TBCE: variants seen among roughly 807,000 people sequenced by gnomAD.
The protein encoded by TBCE is tubulin folding cofactor E.
TBCE carries 53 observed loss-of-function variants against 77.0 expected under a neutral mutation model. That is an observed-to-expected ratio of 0.69 (90% CI 0.55 to 0.87). The LOEUF (loss-of-function observed/expected upper bound fraction) is 0.87. Ranked by LOEUF, TBCE falls within the 40% of genes least tolerant of loss-of-function variation. The probability of loss-of-function intolerance (pLI) is 0.00; values close to 1 mark genes in which losing one functional copy is unlikely to be tolerated. For synonymous variants in TBCE, 235 were observed against 241.3 expected, an observed-to-expected ratio of 0.97 and a Z score of 0.24; for missense variants, 624 against 622.4, an observed-to-expected ratio of 1.00 and a Z score of -0.03.
At position 235,391,831 on chromosome 1, in the gene TBCE, A is replaced by G. The variant is rs201893274; in HGVS notation, c.101-9672A>G. Among the ~76,000 whole-genome samples the G allele has an allele frequency of 2.6e-5, 4 of 151,430 alleles. No individual in the cohort carries two copies. The East Asian group carries it at 7.9e-4, about 30-fold the overall frequency. ...CGTGTTGGCCAGGCTGGTCTTGAACACCTGACCTGAGGTGATCAACCCACC... is the reference window on the plus strand; with the variant it reads ...CGTGTTGGCCAGGCTGGTCTTGAACGCCTGACCTGAGGTGATCAACCCACC... On this transcript the variant is annotated intron_variant, in intron 2 of 16. Transcript: ENST00000642610.
intron 1 of TBCE, 90 bp from the exon 2 acceptor site, chr1:235,379,929 C>T (rs942255909): frequency 4.0e-6 from 3 of 741,502 alleles, no homozygotes; most frequent in African/African-American, 4.1e-5. Flanking sequence ...GCCTGGGCGA[C>T]AGAGCAAGAC....
chr1:235,396,064 T>C (rs1375525749), intron 2 of TBCE, among the ~76,000 whole-genome samples: 1 of 151,382 alleles, frequency 6.6e-6, no homozygotes. Context: ...TTTCTTTTTC[T>C]TTTTTTTTCT....
rs541314646 is a variant in TBCE at position 235,436,217 on chromosome 1, A to T, written c.834-169A>T. On this transcript the variant is annotated intron_variant, in intron 9 of 16. Coordinates refer to ENST00000642610, the MANE Select transcript of TBCE (RefSeq NM_003193.5). ...GACTATGGAGTCATTAGAATACAGG[A>T]TAAAGAGTTCACTTTGCATGTCCTA... The T allele has an allele frequency of 4.5e-6, 3 of 670,358 alleles. No homozygotes were observed. In the South Asian group the frequency reaches 5.2e-5, roughly 12 times the overall value. 41.5% of individuals were successfully genotyped at this position (670,358 alleles called of 1,614,324 possible). A position where few individuals can be genotyped will look rare whatever the true frequency, so the allele number is the denominator to read the frequency against.
At position 235,401,537 on chromosome 1, in the gene TBCE, G is replaced by A; in HGVS notation, c.135G>A (p.Glu45=). Reference sequence around the variant, plus strand: ...TAGGAGTAGAATGGGACAATCCCGAGAGAGGAAAGCATGATGGGAGCCACG... The same window carrying A: ...TAGGAGTAGAATGGGACAATCCCGAAAGAGGAAAGCATGATGGGAGCCACG... ...PWLGVEWDNP[E]RGKHDGSHEG... Residue 45 remains glutamate, a synonymous_variant, in exon 3 of 17, where the codon GAG becomes GAA. Transcript: ENST00000642610. 2 of 1,613,940 alleles carry A rather than the reference G, an allele frequency of 1.2e-6. No individual in the cohort carries two copies. The highest frequency in any genetic ancestry group is 2.7e-5 in the African/African-American group (2 of 75,020).
rs1003000685 is a variant in TBCE, at chr1:235,449,681, A to G, written c.*919A>G. On this transcript the variant is annotated 3_prime_UTR_variant, in exon 17 of 17. Coordinates refer to ENST00000642610, the MANE Select transcript of TBCE (RefSeq NM_003193.5). ...ACTTCAGAGATCCACAAAATCTGAC[A>G]TTATTTCCAGAAACCCCAAACTTTG... The G allele has an allele frequency of 6.6e-6, 1 of 152,578 alleles. No homozygotes were observed. The highest frequency in any genetic ancestry group is 1.5e-5 in the Non-Finnish European group (1 of 68,316). The allele number at this position is 152,578 out of a possible 1,614,324, so 9.5% of individuals were successfully genotyped here.
intron 1 of TBCE, among the ~76,000 whole-genome samples, chr1:235,375,025 A>G (rs898894141): frequency 2.2e-5 from 3 of 137,802 alleles, no homozygotes; most frequent in Admixed American, 7.8e-5. Flanking sequence ...GGTTCACACC[A>G]TTCTCCTGCC....
chr1:235,444,175 AG>A (rs1426517644), intron 15 of TBCE, among the ~76,000 whole-genome samples: 1 of 152,226 alleles, frequency 6.6e-6, no homozygotes, highest in Non-Finnish European at 1.5e-5. Context: ...TTGTGTTCAA[AG>A]AAGTACCTTT....
intron 2 of TBCE, among the ~76,000 whole-genome samples, chr1:235,387,940 T>A (rs1399183926): frequency 1.3e-5 from 2 of 152,184 alleles, no homozygotes; most frequent in Non-Finnish European, 2.9e-5. Context: ...TGATGCACAA[T>A]AAGGTTTGGT....
chr1:235,424,435 C>T (rs976013568), intron 5 of TBCE, among the ~76,000 whole-genome samples: 1 of 141,084 alleles, frequency 7.1e-6, no homozygotes, highest in African/African-American at 2.7e-5. Flanking sequence ...AAGGATTCTT[C>T]TGCCTCAGCC....
chr1:235,450,686 C>G lies in TBCE; in HGVS notation c.*1924C>G, dbSNP rs1052194842. On this transcript the variant is annotated 3_prime_UTR_variant, in exon 17 of 17. Transcript: ENST00000642610. ...GGCAGTATTAGTAACAGCTATTATT[C>G]TGATGGAATGCTTACAATATTGCAG... The G allele has an allele frequency of 4.4e-6, 1 of 229,592 alleles. No individual in the cohort carries two copies. The highest frequency in any genetic ancestry group is 2.2e-5 in the African/African-American group (1 of 44,602). The allele number at this position is 229,592 out of a possible 1,614,324, so 14.2% of individuals were successfully genotyped here. A position where few individuals can be genotyped will look rare whatever the true frequency, so the allele number is the denominator to read the frequency against.
chr1:235,413,799 T>C (rs1230296344), intron 3 of TBCE: 2 of 149,768 alleles, frequency 1.3e-5, no homozygotes, highest in African/African-American at 4.9e-5. Flanking sequence ...AAATAAAAAA[T>C]AAATAAGTAA....
chr1:235,447,759 CAGATTA>C (rs1682496457), intron 15 of TBCE, among the ~76,000 whole-genome samples: 1 of 152,112 alleles, frequency 6.6e-6, no homozygotes, highest in South Asian at 2.1e-4. Context: ...CTGGTTTATT[CAGATTA>C]AGAAAGAAAT....
At chr1:235,410,244 C>T (rs1461481046) in intron 3 of TBCE, among the ~76,000 whole-genome samples, 3 of 151,968 alleles carry the variant, frequency 2.0e-5, no homozygotes, top group Non-Finnish European at 4.4e-5. Flanking sequence ...GAGACTCTAT[C>T]TCCAAAAAAA....
intron 13 of TBCE, among the ~76,000 whole-genome samples, chr1:235,439,440 G>A (rs1487355746): frequency 1.4e-5 from 2 of 148,004 alleles, no homozygotes; most frequent in African/African-American, 5.0e-5. Flanking sequence ...AGCTTGCAGT[G>A]AGCCGAGATC....
rs970718129 is a variant in TBCE at position 235,374,723 on chromosome 1, A to G, written c.-31-5296A>G. Among the ~76,000 whole-genome samples the G allele has an allele frequency of 2.7e-4, 39 of 143,132 alleles. 5 individuals carry two copies. The highest frequency in any genetic ancestry group is 1.0e-3 in the African/African-American group (38 of 36,574). The allele number at this position is 143,132 out of a possible 152,430, so 93.9% of individuals were successfully genotyped here. On this transcript the variant is annotated intron_variant, in intron 1 of 16. Transcript: ENST00000642610. ...ACCATGTTGGCCAGGCTGGTCTCGAACTCCTGACCTCAGGTGAGTCACCCA... is the reference window on the plus strand; with the variant it reads ...ACCATGTTGGCCAGGCTGGTCTCGAGCTCCTGACCTCAGGTGAGTCACCCA...
intron 1 of TBCE, among the ~76,000 whole-genome samples, chr1:235,368,544 A>T: frequency 1.6e-5 from 2 of 121,348 alleles, no homozygotes; most frequent in South Asian, 2.5e-4. Context: ...ATCTAAGTGG[A>T]CAGCCTGCTT....
intron 2 of TBCE, among the ~76,000 whole-genome samples, chr1:235,398,623 T>C (rs1678891677): frequency 7.3e-6 from 1 of 136,352 alleles, no homozygotes; most frequent in South Asian, 2.2e-4. Context: ...TGGTGTTTTC[T>C]TTTTTTTTTT....
chr1:235,438,973 CAA>C (rs1466786661), intron 13 of TBCE, 51 bp downstream of exon 13: 10 of 1,613,360 alleles, frequency 6.2e-6, no homozygotes, highest in Non-Finnish European at 8.5e-6. Flanking sequence ...CCAGCTGGAA[CAA>C]AGTTTTTTCT....
Position 235,441,866 on chromosome 1 carries a change from G to A in TBCE, c.1323G>A (p.Leu441=). The stretch of plus-strand genomic sequence containing the variant: ...TCAAAACACAGCAACCACTTATGCT[G>A]AAAAACCAGCTACTAAGTAAGAATC... ...WELKTQQPLM[L]KNQLLTLKIK... is the part of the protein sequence containing the mutation. The change falls in exon 14 of 17, where the codon CTG becomes CTA. Residue 441 remains leucine (L), a synonymous_variant. Transcript: ENST00000642610. 6.2e-7 allele frequency: 1 copy of A among 1,614,002 alleles called. No individual in the cohort carries two copies. Among genetic ancestry groups the A allele is most frequent in the Non-Finnish European group, 8.5e-7 (1 of 1,179,976 alleles).
Sources: allele counts gnomAD v4.1 joint callset (sites outside exome capture counted in the v4.1 genomes callset), GRCh38; gene constraint gnomAD v4.1.1; transcripts MANE v1.5; gene names NCBI Gene and HGNC (gene_info 2026-07-23, HGNC 2026-07-21).